Variants in ZNF721 observed in about 807,000 individuals in gnomAD.
ZNF721 encodes the protein zinc finger protein 721.
A neutral mutation model predicts 2.4 loss-of-function variants in ZNF721; 2 were observed. The observed-to-expected ratio is 0.82, with a 90% confidence interval of 0.34 to 2.58. The LOEUF (loss-of-function observed/expected upper bound fraction) is 2.58, where lower values mean the gene tolerates loss of function less well. Ranked by LOEUF, ZNF721 falls within the 30% of genes most tolerant of loss-of-function variation. The probability of loss-of-function intolerance (pLI) is 0.11; values close to 1 mark genes in which losing one functional copy is unlikely to be tolerated. For synonymous variants in ZNF721, 398 were observed against 381.8 expected (o/e 1.04, Z -0.50); for missense variants, 1,187 against 1,085.5 (o/e 1.09, Z -1.31).
intron 1 of ZNF721, among the ~76,000 whole-genome samples, chr4:479,018 C>T (rs552271375): frequency 1.3e-5 from 2 of 152,288 alleles, no homozygotes; most frequent in East Asian, 1.9e-4. Context: ...CTGCCCACCT[C>T]GGCCTCTCAA....
At position 442,190 on chromosome 4, in the gene ZNF721, C is replaced by T. The variant is rs376634765; in HGVS notation, c.2277G>A (p.Gly759=). 451 of 1,611,912 alleles carry T rather than the reference C, an allele frequency of 2.8e-4. 2 individuals are homozygous for T. Among genetic ancestry groups the T allele is most frequent in the Non-Finnish European group, 3.5e-4 (418 of 1,178,700 alleles). ...GGTGTGAGGACTGTTTAAACACTTT[C>T]CCACATTCTTTACATTTGTAGAGTT... is the stretch of plus-strand genomic sequence containing the variant. ...GDKLYKCKEC[G]KVFKQSSHLN... is the part of the protein sequence containing the mutation. Residue 759 remains glycine (G), a synonymous_variant, in exon 3 of 3, where the codon GGG becomes GGA. Transcript: ENST00000511833.
At chr4:447,001 A>T (rs906322455) in intron 2 of ZNF721, among the ~76,000 whole-genome samples, 1 of 152,282 alleles carries the variant, frequency 6.6e-6, no homozygotes, top group South Asian at 2.1e-4. Flanking sequence ...AGAATTTTTC[A>T]AATGCAACTC....
At chr4:460,168 A>C (rs1268861100) in intron 2 of ZNF721, among the ~76,000 whole-genome samples, 1 of 152,162 alleles carries the variant, frequency 6.6e-6, no homozygotes. Flanking sequence ...ATCGCACTTA[A>C]TCTAAAGTTG....
intron 1 of ZNF721, among the ~76,000 whole-genome samples, chr4:479,155 C>T (rs1359151574): frequency 6.6e-6 from 1 of 152,188 alleles, no homozygotes; most frequent in Non-Finnish European, 1.5e-5. Flanking sequence ...GTCACGATAA[C>T]AGCCATGCAA....
chr4:491,978 C>A (rs1553871524), intron 1 of ZNF721, among the ~76,000 whole-genome samples: 2 of 151,430 alleles, frequency 1.3e-5, no homozygotes, highest in Admixed American at 1.3e-4. Context: ...CACTGTGAAA[C>A]CCCATCTCTA....
chr4:483,455 G>A (rs1553869824), intron 1 of ZNF721, among the ~76,000 whole-genome samples: 1 of 152,088 alleles, frequency 6.6e-6, no homozygotes, highest in Non-Finnish European at 1.5e-5. Context: ...GGGAGGCTGA[G>A]GCAGGAGAAT....
chr4:478,624 T>G (rs1216912026), intron 1 of ZNF721, among the ~76,000 whole-genome samples: 1 of 152,214 alleles, frequency 6.6e-6, no homozygotes, highest in Admixed American at 6.5e-5. Context: ...CATTTATATG[T>G]CAAGGGTTAT....
intron 1 of ZNF721, among the ~76,000 whole-genome samples, chr4:496,964 G>T (rs572526776): frequency 6.6e-6 from 1 of 151,032 alleles, no homozygotes; most frequent in Non-Finnish European, 1.5e-5. Flanking sequence ...CGCCCACCTC[G>T]GCCTCCCAAA....
intron 2 of ZNF721, among the ~76,000 whole-genome samples, chr4:464,264 G>T (rs1715166787): frequency 6.6e-6 from 1 of 151,582 alleles, no homozygotes; most frequent in African/African-American, 2.4e-5. Flanking sequence ...TGAGGTCAGG[G>T]GTTCAAGACC....
At chr4:450,666 GT>G (rs60839137) in intron 2 of ZNF721, among the ~76,000 whole-genome samples, 59,652 of 151,260 alleles carry the variant, frequency 0.39, 12,113 homozygotes, top group African/African-American at 0.5. Context: ...GCCGGGCGCG[GT>G]TGGCTCATGC....
At position 494,792 on chromosome 4, in the gene ZNF721, G is replaced by A. The variant is rs977146851; in HGVS notation, c.-94+4264C>T. On this transcript the variant is annotated intron_variant, in intron 1 of 2. Transcript: ENST00000511833. Reference sequence around the variant, plus strand: ...AGTTTTATTTAGATAGGGACTACTGGATCTCAGAGCTCTAGGGAAAGCCCA... The same window carrying A: ...AGTTTTATTTAGATAGGGACTACTGAATCTCAGAGCTCTAGGGAAAGCCCA... Among the ~76,000 whole-genome samples, 12 of 152,256 alleles carry A rather than the reference G, an allele frequency of 7.9e-5. No homozygotes were observed. In the South Asian group the frequency reaches 1.9e-3, roughly 24 times the overall value.
At chr4:468,961 GA>G (rs1553867208) in intron 2 of ZNF721, among the ~76,000 whole-genome samples, 1 of 152,032 alleles carries the variant, frequency 6.6e-6, no homozygotes, top group Non-Finnish European at 1.5e-5. Context: ...GCCTGCAAAA[GA>G]AGAAAAAATG....
chr4:496,677 C>T (rs968299259), intron 1 of ZNF721, among the ~76,000 whole-genome samples: 2 of 147,458 alleles, frequency 1.4e-5, no homozygotes, highest in East Asian at 2.0e-4. Flanking sequence ...GTAAGCAAAA[C>T]TAACAATGAT....
At chr4:449,634 GAT>G (rs1714584831) in intron 2 of ZNF721, among the ~76,000 whole-genome samples, 1 of 152,056 alleles carries the variant, frequency 6.6e-6, no homozygotes, top group Admixed American at 6.5e-5. Context: ...AGAGTGAAGA[GAT>G]AATCTACAGA....
At chr4:474,048 G>A (rs1166785907) in intron 1 of ZNF721, 1 of 1,478,672 alleles carries the variant, frequency 6.8e-7, no homozygotes, top group Non-Finnish European at 9.1e-7. Flanking sequence ...AGGTTACAGA[G>A]CGATGGAGGC....
chr4:477,545 G>T (rs1398262528), intron 1 of ZNF721, among the ~76,000 whole-genome samples: 2 of 151,984 alleles, frequency 1.3e-5, no homozygotes, highest in African/African-American at 4.8e-5. Context: ...GCGCATTAAT[G>T]AGTTATCTCA....
rs1560224129 is a variant in ZNF721, at chr4:443,330, G to A, written c.1137C>T (p.His379=). ...GTTTCTCTCCAGTATGAATTTTCTT[G>A]TGTTGATTCAGGGCTGTGTACCGTC... ...AFGRYTALNQ[H]KKIHTGEKPY... Residue 379 remains histidine (H), a synonymous_variant, in exon 3 of 3, where the codon CAC becomes CAT. Coordinates refer to ENST00000511833, the MANE Select transcript of ZNF721 (RefSeq NM_133474.4). 1 of 1,613,006 alleles carries A rather than the reference G, an allele frequency of 6.2e-7. No homozygotes were observed. The highest frequency in any genetic ancestry group is 1.1e-5 in the South Asian group (1 of 91,018).
chr4:491,224 G>A (rs55973591), intron 1 of ZNF721, among the ~76,000 whole-genome samples: 10 of 151,904 alleles, frequency 6.6e-5, no homozygotes, highest in Non-Finnish European at 1.2e-4. Context: ...TCAGAAGTTC[G>A]AGACCAGCCT....
chr4:472,636 A>G lies in ZNF721; in HGVS notation c.-28T>C. The stretch of plus-strand genomic sequence containing the variant: ...CATCTCTATACAAATTCTGCTGGGC[A>G]GGGTCCAGGCATTTCCACTCTTCTG... On this transcript the variant is annotated 5_prime_UTR_variant, in exon 2 of 3. Transcript: ENST00000511833. 1 of 1,614,092 alleles carries G rather than the reference A, an allele frequency of 6.2e-7. No individual in the cohort carries two copies. Among genetic ancestry groups the G allele is most frequent in the Non-Finnish European group, 8.5e-7 (1 of 1,180,014 alleles).
Sources: gnomAD v4.1 joint callset for allele counts (sites outside exome capture counted in the v4.1 genomes callset) on GRCh38, gnomAD v4.1.1 for gene constraint, MANE v1.5 for transcripts, NCBI Gene and HGNC (gene_info 2026-07-23, HGNC 2026-07-21) for gene names.